OSBPL1A: variants seen among roughly 807,000 people sequenced by gnomAD.
OSBPL1A encodes oxysterol binding protein like 1A.
OSBPL1A carries 80 observed loss-of-function variants against 137.1 expected under a neutral mutation model. That is an observed-to-expected ratio of 0.58 (90% CI 0.49 to 0.70). The LOEUF (loss-of-function observed/expected upper bound fraction) is 0.70. OSBPL1A is among the 30% of genes least tolerant of loss of function. The pLI, the probability that OSBPL1A is intolerant of heterozygous loss-of-function variation, is 0.00. For synonymous variants in OSBPL1A, 365 were observed against 389.7 expected (o/e 0.94, Z 0.75); for missense variants, 970 against 1,129.4 (o/e 0.86, Z 2.02).
At chr18:24,235,091 G>A (rs1383321000) in intron 16 of OSBPL1A, among the ~76,000 whole-genome samples, 1 of 152,130 alleles carries the variant, frequency 6.6e-6, no homozygotes, top group Non-Finnish European at 1.5e-5. Flanking sequence ...TTCATTTTAA[G>A]TGCAATGAGA....
chr18:24,181,200 T>G lies in OSBPL1A; in HGVS notation c.1757A>C (p.His586Pro), dbSNP rs936190491. Residue 586 changes from histidine (H) to proline (P), a missense_variant, in exon 19 of 28, where the codon CAT becomes CCT. By Grantham distance (77) the His-to-Pro change is moderately conservative. Around this residue, in one of 2 missense-constraint regions of OSBPL1A, gnomAD observed 323 missense variants for 456.8 expected, o/e 0.71. Transcript: ENST00000319481. Reference sequence around the variant, plus strand: ...ACTGGCCTTGTGGATGAGGTAAGTATGCTCCATGTATTCAGTTAGGCGCTG... The same window carrying G: ...ACTGGCCTTGTGGATGAGGTAAGTAGGCTCCATGTATTCAGTTAGGCGCTG... ...FLQRLTEYME[H>P]TYLIHKASSL... is the part of the protein sequence containing the mutation. 6.2e-7 allele frequency: 1 copy of G among 1,614,058 alleles called. No homozygotes were observed. Among genetic ancestry groups the G allele is most frequent in the African/African-American group, 1.3e-5 (1 of 74,942 alleles).
rs183785728 is a variant in OSBPL1A at position 24,362,135 on chromosome 18, T to C, written c.282+4757A>G. Among the ~76,000 whole-genome samples, 434 of 152,240 alleles carry C rather than the reference T, an allele frequency of 2.9e-3. 2 individuals are homozygous for C. Among genetic ancestry groups the C allele is most frequent in the Non-Finnish European group, 3.1e-3 (212 of 68,034 alleles). On this transcript the variant is annotated intron_variant, in intron 4 of 27. Transcript: ENST00000319481. ...CCAGCTGCAAGATGTTAGGAAAGAATTTATGGATATTACATTTGAGTAGCA... is the reference window on the plus strand; with the variant it reads ...CCAGCTGCAAGATGTTAGGAAAGAACTTATGGATATTACATTTGAGTAGCA...
intron 15 of OSBPL1A, among the ~76,000 whole-genome samples, chr18:24,243,969 G>C (rs1486036465): frequency 6.6e-6 from 1 of 152,084 alleles, no homozygotes; most frequent in African/African-American, 2.4e-5. Flanking sequence ...AGTACTTTTT[G>C]GTCAGAAGGA....
At chr18:24,206,052 G>A (rs568876289) in intron 17 of OSBPL1A, among the ~76,000 whole-genome samples, 4 of 152,218 alleles carry the variant, frequency 2.6e-5, no homozygotes, top group African/African-American at 9.6e-5. Context: ...CACCGTGCCC[G>A]GCTAATTTTT....
At chr18:24,302,237 A>G (rs560739930) in intron 14 of OSBPL1A, among the ~76,000 whole-genome samples, 4 of 66,280 alleles carry the variant, frequency 6.0e-5, no homozygotes, top group East Asian at 4.6e-4. Context: ...CCATCTCAAG[A>G]AAAAAAAAAA....
At position 24,318,557 on chromosome 18, in the gene OSBPL1A, A is replaced by G. The variant is rs375313799; in HGVS notation, c.732+44T>C. Reference sequence around the variant, plus strand: ...TTAAACAGAAATAGAGCACCTGAGAATTATTCTTTACAGTTATATAATTAA... The same window carrying G: ...TTAAACAGAAATAGAGCACCTGAGAGTTATTCTTTACAGTTATATAATTAA... On this transcript the variant is annotated intron_variant, in intron 9 of 27. Transcript: ENST00000319481. The G allele has an allele frequency of 4.5e-5, 67 of 1,498,400 alleles. No individual in the cohort carries two copies. The Middle Eastern group carries it at 1.5e-3, about 33-fold the overall frequency. The allele number at this position is 1,498,400 out of a possible 1,614,324, so 92.8% of individuals were successfully genotyped here.
rs1236833569 is a variant in OSBPL1A, at chr18:24,375,500, A to G, written c.121+1913T>C. Among the ~76,000 whole-genome samples, 3 of 152,262 alleles carry G rather than the reference A, an allele frequency of 2.0e-5. No homozygotes were observed. The South Asian group carries it at 6.2e-4, about 32-fold the overall frequency. On this transcript the variant is annotated intron_variant, in intron 2 of 27. Transcript: ENST00000319481. The stretch of plus-strand genomic sequence containing the variant: ...TTGGCCACTTTGCTACACATGGCAT[A>G]TTATGACTTGGCTGCTATGTTGTTT...
Position 24,377,407 on chromosome 18 carries a change from G to C in OSBPL1A, c.121+6C>G. The C allele has an allele frequency of 6.2e-7, 1 of 1,603,296 alleles. No individual in the cohort carries two copies. Among genetic ancestry groups the C allele is most frequent in the Non-Finnish European group, 8.5e-7 (1 of 1,177,126 alleles). On this transcript the variant is annotated splice_donor_region_variant and intron_variant, in intron 2 of 27. Coordinates refer to ENST00000319481, the MANE Select transcript of OSBPL1A (RefSeq NM_080597.4). ...GAGAAAGCTACAAAATCCATTCAAA[G>C]TTTACCTTTGCAATTAATGTCAGCA... is the stretch of plus-strand genomic sequence containing the variant.
At chr18:24,306,770 A>G (rs2090508656) in intron 13 of OSBPL1A, among the ~76,000 whole-genome samples, 1 of 152,230 alleles carries the variant, frequency 6.6e-6, no homozygotes, top group South Asian at 2.1e-4. Flanking sequence ...GAATACATCA[A>G]ATTGAAGACA....
intron 17 of OSBPL1A, among the ~76,000 whole-genome samples, chr18:24,221,257 C>T (rs536345756): frequency 6.6e-6 from 1 of 152,278 alleles, no homozygotes; most frequent in African/African-American, 2.4e-5. Flanking sequence ...TGGGTGCATT[C>T]CTTGTGTAAA....
intron 4 of OSBPL1A, among the ~76,000 whole-genome samples, chr18:24,359,136 T>C (rs1344766727): frequency 6.6e-6 from 1 of 151,944 alleles, no homozygotes; most frequent in Non-Finnish European, 1.5e-5. Context: ...GAGGATCACT[T>C]GAGCTCTGGA....
chr18:24,261,034 T>C, intron 15 of OSBPL1A, among the ~76,000 whole-genome samples: 1 of 152,114 alleles, frequency 6.6e-6, no homozygotes, highest in Non-Finnish European at 1.5e-5. Context: ...GGATAAACTG[T>C]GGTACAGCCA....
intron 17 of OSBPL1A, among the ~76,000 whole-genome samples, chr18:24,206,189 A>T (rs951833539): frequency 4.6e-5 from 7 of 152,124 alleles, no homozygotes; most frequent in Non-Finnish European, 8.8e-5. Flanking sequence ...CCACACCTGG[A>T]TGGAAGGCTT....
At chr18:24,265,278 G>A (rs898541237) in intron 15 of OSBPL1A, among the ~76,000 whole-genome samples, 29 of 152,258 alleles carry the variant, frequency 1.9e-4, no homozygotes, top group Middle Eastern at 3.4e-3. Flanking sequence ...TCAGGAGTTC[G>A]TCACCAGCCT....
At chr18:24,243,964 T>A (rs968719739) in intron 15 of OSBPL1A, among the ~76,000 whole-genome samples, 4 of 152,224 alleles carry the variant, frequency 2.6e-5, no homozygotes, top group Non-Finnish European at 5.9e-5. Context: ...CCATTAGTAC[T>A]TTTTGGTCAG....
At chr18:24,269,207 G>A (rs1174324354) in intron 15 of OSBPL1A, among the ~76,000 whole-genome samples, 1 of 152,144 alleles carries the variant, frequency 6.6e-6, no homozygotes, top group East Asian at 1.9e-4. Context: ...TTCTCATAAG[G>A]AGCAAATCTC....
intron 14 of OSBPL1A, chr18:24,301,221 G>A (rs2090394602): frequency 6.6e-6 from 1 of 152,162 alleles, no homozygotes. Context: ...TCTAAACAAT[G>A]TTGATTTCTT....
At chr18:24,327,400 T>TGATG (rs1308541182) in intron 7 of OSBPL1A, among the ~76,000 whole-genome samples, 1 of 151,916 alleles carries the variant, frequency 6.6e-6, no homozygotes, top group Non-Finnish European at 1.5e-5. Context: ...ACCCAGCCTT[T>TGATG]GATTGATTGA....
intron 4 of OSBPL1A, among the ~76,000 whole-genome samples, chr18:24,349,729 GA>G (rs80193998): frequency 8.5e-4 from 56 of 65,824 alleles, no homozygotes; most frequent in South Asian, 6.2e-3. Context: ...AAAGAAAAAA[GA>G]AAAAAAAAAA....
Sources: allele counts gnomAD v4.1 joint callset (sites outside exome capture counted in the v4.1 genomes callset), GRCh38; gene constraint gnomAD v4.1.1; regional missense constraint gnomAD v4.1.1; transcripts MANE v1.5; gene names NCBI Gene and HGNC (gene_info 2026-07-23, HGNC 2026-07-21).